SDCCAG8: variants seen among roughly 807,000 people sequenced by gnomAD.
The protein encoded by SDCCAG8 is serologically defined colon cancer antigen 8.
A neutral mutation model predicts 101.8 loss-of-function variants in SDCCAG8; 74 were observed. That is an observed-to-expected ratio of 0.73 (90% CI 0.60 to 0.88). The LOEUF is 0.88. Among genes scored for constraint, SDCCAG8 ranks in the 40% least tolerant of loss-of-function variants. The probability of loss-of-function intolerance (pLI) is 0.00; values close to 1 mark genes in which losing one functional copy is unlikely to be tolerated. For missense variants in SDCCAG8, 787 were observed against 822.6 expected (o/e 0.96, Z 0.53); for synonymous variants, 281 against 292.9 (o/e 0.96, Z 0.41).
intron 6 of SDCCAG8, 159 bp downstream of exon 6, chr1:243,293,378 A>G (rs1225875720): frequency 2.5e-6 from 2 of 800,412 alleles, no homozygotes; most frequent in Admixed American, 2.0e-5. Flanking sequence ...TCACTCAATC[A>G]TAAACATTAT....
At chr1:243,402,526 G>A (rs193121210) in intron 13 of SDCCAG8, among the ~76,000 whole-genome samples, 12 of 151,686 alleles carry the variant, frequency 7.9e-5, no homozygotes, top group Admixed American at 6.6e-4. Context: ...CATTATTAAT[G>A]ACGTATTTTA....
intron 12 of SDCCAG8, among the ~76,000 whole-genome samples, chr1:243,360,771 G>A (rs777932506): frequency 2.0e-5 from 3 of 152,034 alleles, no homozygotes; most frequent in Admixed American, 1.3e-4. Context: ...GCGGTGAGCC[G>A]GGATTGCGCC....
chr1:243,266,821 C>T (rs2067636540), intron 1 of SDCCAG8, among the ~76,000 whole-genome samples: 1 of 145,654 alleles, frequency 6.9e-6, no homozygotes, highest in Admixed American at 7.0e-5. Context: ...CACATGCCTG[C>T]AATCCCAGCC....
Position 243,443,458 on chromosome 1 carries a change from T to C in SDCCAG8, c.1985+16900T>C, listed in dbSNP as rs112745261. On this transcript the variant is annotated intron_variant, in intron 16 of 17. Coordinates refer to ENST00000366541, the MANE Select transcript of SDCCAG8 (RefSeq NM_006642.5). ...TGGGACTTGGGAAGGTTGCATAGGA[T>C]GGGGGCCATGTGCACACACATAATT... Among the ~76,000 whole-genome samples the C allele has an allele frequency of 2.2e-3, 338 of 152,248 alleles. 1 individual carries two copies. Among genetic ancestry groups the C allele is most frequent in the African/African-American group, 7.0e-3 (292 of 41,552 alleles).
chr1:243,500,014 T>C lies in SDCCAG8; in HGVS notation c.*229T>C. The C allele has an allele frequency of 1.7e-6, 1 of 586,718 alleles. No individual in the cohort carries two copies. The highest frequency in any genetic ancestry group is 1.9e-5 in the African/African-American group (1 of 53,996). 36.3% of individuals were successfully genotyped at this position (586,718 alleles called of 1,614,324 possible). On this transcript the variant is annotated 3_prime_UTR_variant, in exon 18 of 18. Coordinates refer to ENST00000366541, the MANE Select transcript of SDCCAG8 (RefSeq NM_006642.5). ...CCTGGTGTATGTTTTCAGAAATGGC[T>C]TGAAGTTATGTGTTTAAATCTGCTC... is the stretch of plus-strand genomic sequence containing the variant.
At chr1:243,325,067 AT>A (rs1471611726) in intron 9 of SDCCAG8, among the ~76,000 whole-genome samples, 1 of 152,094 alleles carries the variant, frequency 6.6e-6, no homozygotes, top group Non-Finnish European at 1.5e-5. Context: ...GTGGTGTATA[AT>A]TTTGGTAGTT....
intron 1 of SDCCAG8, among the ~76,000 whole-genome samples, chr1:243,256,584 T>C (rs539731230): frequency 6.6e-6 from 1 of 152,326 alleles, no homozygotes; most frequent in African/African-American, 2.4e-5. Flanking sequence ...TGATTCACAG[T>C]TTTTACACAT....
chr1:243,425,269 C>T (rs949252239), intron 15 of SDCCAG8, among the ~76,000 whole-genome samples: 5 of 152,174 alleles, frequency 3.3e-5, no homozygotes, highest in East Asian at 1.9e-4. Flanking sequence ...CTTCAAAAAA[C>T]GTGCTGACAT....
chr1:243,303,599 A>G (rs953031731), intron 6 of SDCCAG8, among the ~76,000 whole-genome samples: 1 of 152,130 alleles, frequency 6.6e-6, no homozygotes, highest in African/African-American at 2.4e-5. Context: ...TGAGTAGAAA[A>G]TACTATTTTC....
rs772853104 is a variant in SDCCAG8 at position 243,341,154 on chromosome 1, G to A, written c.1337G>A (p.Arg446Gln). ...LEEIQSQLAS[R>Q]EMDVTKVCGE... ...GAAATTCAAAGCCAGCTGGCTTCTC[G>A]GGAAATGGATGTCACAAAGGTACAG... The change falls in exon 11 of 18, where the codon CGG becomes CAG. Residue 446 changes from arginine to glutamine, a missense_variant. Coordinates refer to ENST00000366541, the MANE Select transcript of SDCCAG8 (RefSeq NM_006642.5). The A allele has an allele frequency of 1.5e-5, 24 of 1,613,844 alleles. No individual in the cohort carries two copies. Among genetic ancestry groups the A allele is most frequent in the South Asian group, 1.1e-4 (10 of 91,084 alleles).
At chr1:243,342,357 C>T (rs1446102990) in intron 11 of SDCCAG8, among the ~76,000 whole-genome samples, 1 of 152,144 alleles carries the variant, frequency 6.6e-6, no homozygotes, top group South Asian at 2.1e-4. Flanking sequence ...GAAGTTGCTT[C>T]CAACGTGGAG....
At chr1:243,396,644 A>T (rs1382926308) in intron 13 of SDCCAG8, among the ~76,000 whole-genome samples, 1 of 152,210 alleles carries the variant, frequency 6.6e-6, no homozygotes. Context: ...AAACTTGTTT[A>T]TGATATTTTG....
rs995870023 is a variant in SDCCAG8 at position 243,474,612 on chromosome 1, G to T, written c.1986-14402G>T. On this transcript the variant is annotated intron_variant, in intron 16 of 17. Coordinates refer to ENST00000366541, the MANE Select transcript of SDCCAG8 (RefSeq NM_006642.5). The surrounding 1 kb of genome is among the most constrained non-coding windows in gnomAD (Gnocchi z 4.7). ...GGGTGTCTCCTGCCTGGAGCGCTCC[G>T]CGGTGGCCCGAGAGCAGGTGCTGGC... Among the ~76,000 whole-genome samples, 1 of 152,216 alleles carries T rather than the reference G, an allele frequency of 6.6e-6. No homozygotes were observed. The highest frequency in any genetic ancestry group is 1.5e-5 in the Non-Finnish European group (1 of 68,024).
chr1:243,435,840 A>G (rs745413628), intron 16 of SDCCAG8, among the ~76,000 whole-genome samples: 1 of 151,952 alleles, frequency 6.6e-6, no homozygotes, highest in Non-Finnish European at 1.5e-5. Context: ...GCTTCTTTAC[A>G]ATCGTATTTT....
intron 15 of SDCCAG8, among the ~76,000 whole-genome samples, chr1:243,418,397 A>G (rs932843187): frequency 1.3e-5 from 2 of 152,332 alleles, no homozygotes; most frequent in Admixed American, 1.3e-4. Flanking sequence ...AATCTTACAT[A>G]GGTATGGTTA....
In SDCCAG8 at chr1:243,450,118, G is replaced by A. The variant is rs760591148; in HGVS notation, c.1985+23560G>A. Among the ~76,000 whole-genome samples the A allele has an allele frequency of 2.0e-5, 3 of 152,142 alleles. No homozygotes were observed. The East Asian group carries it at 5.8e-4, about 29-fold the overall frequency. On this transcript the variant is annotated intron_variant, in intron 16 of 17. Coordinates refer to ENST00000366541, the MANE Select transcript of SDCCAG8 (RefSeq NM_006642.5). The stretch of plus-strand genomic sequence containing the variant: ...ACGTCTCTGTTTTCCAGCACTTAGA[G>A]CACTGTATTCATGGCCTTCGATGTC...
chr1:243,316,767 CTTGATGTCTGCACTAGT>C lies in SDCCAG8; in HGVS notation c.945_961del (p.Leu315PhefsTer18). ...TTTGTGCTGACAGAGAAAGAGATGA[CTTGATGTCTGCACTAGT>C]TTCCGTAAGGAGCAGCTTGGCAGAT... On this transcript the variant is annotated frameshift_variant, in exon 9 of 18. Coordinates refer to ENST00000366541, the MANE Select transcript of SDCCAG8 (RefSeq NM_006642.5). LOFTEE classifies it high-confidence loss of function. 1 of 1,614,134 alleles carries C rather than the reference CTTGATGTCTGCACTAGT, an allele frequency of 6.2e-7. No individual in the cohort carries two copies.
Position 243,302,992 on chromosome 1 carries a change from C to T in SDCCAG8, c.676-1721C>T, listed in dbSNP as rs147547908. On this transcript the variant is annotated intron_variant, in intron 6 of 17. Coordinates refer to ENST00000366541, the MANE Select transcript of SDCCAG8 (RefSeq NM_006642.5). ...AACTTTGTCCAAATGTGGTGCATGA[C>T]TTTATAAGATTTACAACAGTCAATC... is the stretch of plus-strand genomic sequence containing the variant. 2.3e-3 allele frequency among the ~76,000 whole-genome samples: 350 copies of T among 152,220 alleles called. 2 individuals are homozygous for T. Among genetic ancestry groups the T allele is most frequent in the African/African-American group, 8.2e-3 (341 of 41,530 alleles).
chr1:243,267,942 T>C, intron 1 of SDCCAG8: 1 of 795,554 alleles, frequency 1.3e-6, no homozygotes, highest in Non-Finnish European at 2.3e-6. Flanking sequence ...AGCTGTGTAT[T>C]ATATTGGCAA....
Sources: gnomAD v4.1 joint callset for allele counts (sites outside exome capture counted in the v4.1 genomes callset) on GRCh38, gnomAD v4.1.1 for gene constraint, Gnocchi (gnomAD v3.1) non-coding constraint, MANE v1.5 for transcripts, NCBI Gene and HGNC (gene_info 2026-07-23, HGNC 2026-07-21) for gene names.